SWI5: variants seen among roughly 807,000 people sequenced by gnomAD.
SWI5 encodes the protein SWI5 homologous recombination repair protein.
Under a neutral mutation model 17.0 loss-of-function variants are expected in SWI5, and 12 were observed. The ratio of observed to expected loss-of-function variants is 0.71; its 90% CI spans 0.45 to 1.14. SWI5 has a LOEUF of 1.14. Among genes scored for constraint, SWI5 ranks in the 50% most tolerant of loss-of-function variants. The pLI is 0.00. For missense variants in SWI5, 158 were observed against 162.2 expected (o/e 0.97, Z 0.14); for synonymous variants, 61 against 64.0 (o/e 0.95, Z 0.22).
chr9:128,285,829 C>T lies in SWI5; in HGVS notation c.234-110C>T. On this transcript the variant is annotated intron_variant, in intron 3 of 4. Transcript: ENST00000418976. The surrounding 1 kb of genome is among the most constrained non-coding windows in gnomAD (Gnocchi z 4.8). ...TCTTGCTGTCACCATATCCCTAGTACCTATCACCGAGTAGGCCATTACAGA... is the reference window on the plus strand; with the variant it reads ...TCTTGCTGTCACCATATCCCTAGTATCTATCACCGAGTAGGCCATTACAGA... The T allele has an allele frequency of 1.4e-6, 1 of 711,548 alleles. No individual in the cohort carries two copies. The highest frequency in any genetic ancestry group is 2.5e-6 in the Non-Finnish European group (1 of 396,952). The allele number at this position is 711,548 out of a possible 1,614,324, so 44.1% of individuals were successfully genotyped here. A position where few individuals can be genotyped will look rare whatever the true frequency, so the allele number is the denominator to read the frequency against.
In SWI5 at chr9:128,288,503, G is replaced by C; in HGVS notation, c.329-149G>C. ...AAGGAGTAGCAGGGAGCTTACCTTG[G>C]CCAGTTAGGCAAGGCACAAGTGTGG... On this transcript the variant is annotated intron_variant, in intron 4 of 4. Coordinates refer to ENST00000418976, the Ensembl canonical transcript of SWI5. 3.8e-6 allele frequency: 3 copies of C among 792,492 alleles called. No homozygotes were observed. The South Asian group carries it at 4.8e-5, about 13-fold the overall frequency. 49.1% of individuals were successfully genotyped at this position (792,492 alleles called of 1,614,324 possible).
chr9:128,282,187 G>C (rs1831550824), intron 2 of SWI5, among the ~76,000 whole-genome samples: 1 of 152,240 alleles, frequency 6.6e-6, no homozygotes, highest in Non-Finnish European at 1.5e-5. Flanking sequence ...AGGAGCTTGA[G>C]ACCAGCCTGA....
rs1005396463 is a variant in SWI5, at chr9:128,276,274, C to T, written c.-67C>T. ...GGGTGCGCGCGCAGCTTTCTGTGCGCCAGTTCACACTCCGGGTCAGAGTTC... is the reference window on the plus strand; with the variant it reads ...GGGTGCGCGCGCAGCTTTCTGTGCGTCAGTTCACACTCCGGGTCAGAGTTC... On this transcript the variant is annotated 5_prime_UTR_variant, in exon 1 of 5. Coordinates refer to ENST00000418976, the Ensembl canonical transcript of SWI5. The T allele has an allele frequency of 6.2e-7, 1 of 1,612,566 alleles. No individual in the cohort carries two copies. The highest frequency in any genetic ancestry group is 8.5e-7 in the Non-Finnish European group (1 of 1,179,512).
intron 2 of SWI5, among the ~76,000 whole-genome samples, chr9:128,284,271 A>G (rs1402173268): frequency 1.4e-5 from 2 of 146,744 alleles, no homozygotes; most frequent in African/African-American, 2.6e-5. Context: ...TCTGGGCAAC[A>G]GAGCGAGACT....
At chr9:128,279,751 T>G (rs1355761838) in intron 2 of SWI5, among the ~76,000 whole-genome samples, 1 of 152,114 alleles carries the variant, frequency 6.6e-6, no homozygotes, top group African/African-American at 2.4e-5. Context: ...ATATCCAGCC[T>G]CCCACAGGAA....
rs1311213800 is a variant in SWI5 at position 128,288,637 on chromosome 9, C to G, written c.329-15C>G. The G allele has an allele frequency of 4.3e-6, 7 of 1,613,920 alleles. No individual in the cohort carries two copies. The highest frequency in any genetic ancestry group is 5.1e-6 in the Non-Finnish European group (6 of 1,179,964). The stretch of plus-strand genomic sequence containing the variant: ...TCTCCCCACTGCACATTCAGCCTGC[C>G]TTCCTTCCTTTCAGCTGTGATCCGA... On this transcript the variant is annotated splice_polypyrimidine_tract_variant and intron_variant, in intron 4 of 4. Coordinates refer to ENST00000418976, the Ensembl canonical transcript of SWI5.
Position 128,286,000 on chromosome 9 carries a change from A to G in SWI5, c.295A>G (p.Lys99Glu), listed in dbSNP as rs766961317. ...CCAGCTTCACGAGTACAATGACATC[A>G]AGGATGTGGGGCAGATGCTGATGGG... is the stretch of plus-strand genomic sequence containing the variant. Residue 99 changes from lysine to glutamate, a missense_variant, in exon 4 of 5, where the codon AAG (lysine) becomes GAG (glutamate). Physicochemically the swap from Lys to Glu is moderately conservative, Grantham distance 56. Coordinates refer to ENST00000418976, the Ensembl canonical transcript of SWI5. The surrounding 1 kb of genome is among the most constrained non-coding windows in gnomAD (Gnocchi z 4.8). 1 of 1,614,050 alleles carries G rather than the reference A, an allele frequency of 6.2e-7. No homozygotes were observed. Among genetic ancestry groups the G allele is most frequent in the East Asian group, 2.2e-5 (1 of 44,882 alleles).
intron 4 of SWI5, among the ~76,000 whole-genome samples, chr9:128,287,324 A>C (rs566034053): frequency 6.6e-6 from 1 of 151,402 alleles, no homozygotes. Flanking sequence ...ACATGCCTGT[A>C]ATCCCAGCTA....
chr9:128,277,314 G>A (rs369806320), intron 2 of SWI5, among the ~76,000 whole-genome samples: 1 of 152,264 alleles, frequency 6.6e-6, no homozygotes, highest in East Asian at 1.9e-4. Flanking sequence ...CACTTTGGGA[G>A]GCTGAGGCGG....
chr9:128,275,972 C>A (rs751911459), upstream of SWI5: 3 of 1,596,940 alleles, frequency 1.9e-6, no homozygotes, highest in South Asian at 3.3e-5. Context: ...GGGTTGGGGC[C>A]ACATCAGCGC....
intron 2 of SWI5, 31 bp downstream of exon 2, chr9:128,276,786 C>T (rs1831402225): frequency 6.3e-7 from 1 of 1,582,550 alleles, no homozygotes; most frequent in Admixed American, 1.7e-5. Context: ...ACCCCCTTTC[C>T]CATCCTCGAC....
chr9:128,276,075 A>G (rs1043128950), upstream of SWI5: 27 of 1,573,790 alleles, frequency 1.7e-5, no homozygotes, highest in Middle Eastern at 1.6e-3. Context: ...TGGAGCGCAG[A>G]ATGGGGGCGT....
intron 2 of SWI5, among the ~76,000 whole-genome samples, chr9:128,281,416 G>A (rs759783924): frequency 2.0e-5 from 3 of 151,984 alleles, no homozygotes; most frequent in African/African-American, 4.8e-5. Flanking sequence ...CCCTCTGTCT[G>A]CAATACTTTC....
At chr9:128,276,066 G>C, upstream of SWI5, 1 of 1,578,364 alleles carries the variant, frequency 6.3e-7, no homozygotes, top group South Asian at 1.1e-5. Context: ...GGGCGATACT[G>C]GAGCGCAGAA....
chr9:128,284,820 G>A (rs955599225), intron 3 of SWI5, among the ~76,000 whole-genome samples, 189 bp downstream of exon 3: 6 of 152,138 alleles, frequency 3.9e-5, no homozygotes, highest in South Asian at 2.1e-4. Context: ...GCTGGGCACA[G>A]TGGTACGCGC....
rs1178379901 is a variant in SWI5, at chr9:128,285,907, G to A, written c.234-32G>A. The A allele has an allele frequency of 1.3e-6, 2 of 1,516,990 alleles. No individual in the cohort carries two copies. The highest frequency in any genetic ancestry group is 2.3e-5 in the East Asian group (1 of 44,432). 94.0% of individuals were successfully genotyped at this position (1,516,990 alleles called of 1,614,324 possible). A position where few individuals can be genotyped will look rare whatever the true frequency, so the allele number is the denominator to read the frequency against. On this transcript the variant is annotated intron_variant, in intron 3 of 4. Coordinates refer to ENST00000418976, the Ensembl canonical transcript of SWI5. The surrounding 1 kb of genome is among the most constrained non-coding windows in gnomAD (Gnocchi z 4.8). ...CATCATCTGCTTTCTTAACTGGGCT[G>A]TCTTTCCCCCTCTCTCCATCGCTTA...
At chr9:128,281,056 T>G (rs1474922556) in intron 2 of SWI5, among the ~76,000 whole-genome samples, 4 of 143,036 alleles carry the variant, frequency 2.8e-5, no homozygotes, top group Non-Finnish European at 4.5e-5. Context: ...TTTTTTTTTT[T>G]TGAGAGAGTC....
At position 128,285,241 on chromosome 9, in the gene SWI5, G is replaced by A. The variant is rs1003653101; in HGVS notation, c.233+610G>A. Reference sequence around the variant, plus strand: ...AAGGAAGGAAAGAAAGGAAGGGAAAGAAGGAAAGGGGGGAAGGAAAGGGAA... The same window carrying A: ...AAGGAAGGAAAGAAAGGAAGGGAAAAAAGGAAAGGGGGGAAGGAAAGGGAA... On this transcript the variant is annotated intron_variant, in intron 3 of 4. Coordinates refer to ENST00000418976, the Ensembl canonical transcript of SWI5. The surrounding 1 kb of genome is among the most constrained non-coding windows in gnomAD (Gnocchi z 4.8). Among the ~76,000 whole-genome samples the A allele has an allele frequency of 2.0e-5, 3 of 148,486 alleles. No homozygotes were observed. Among genetic ancestry groups the A allele is most frequent in the African/African-American group, 7.4e-5 (3 of 40,406 alleles).
chr9:128,286,303 C>G, intron 4 of SWI5: 1 of 438,744 alleles, frequency 2.3e-6, no homozygotes, highest in Non-Finnish European at 4.2e-6. Context: ...CTCAGGGTCT[C>G]CCCAGTCTTC....
Sources: allele counts gnomAD v4.1 joint callset (sites outside exome capture counted in the v4.1 genomes callset), GRCh38; gene constraint gnomAD v4.1.1; non-coding constraint Gnocchi (gnomAD v3.1); transcripts MANE v1.5; gene names NCBI Gene and HGNC (gene_info 2026-07-23, HGNC 2026-07-21).